The following EPHB1 variants were observed in gnomAD, a reference collection of about 807,000 sequenced individuals.
The protein encoded by EPHB1 is EPH receptor B1.
In EPHB1, 30 loss-of-function variants were observed where a neutral mutation model predicts 94.4. That is an observed-to-expected ratio of 0.32 (90% CI 0.24 to 0.43). EPHB1 has a LOEUF of 0.43. Ranked by LOEUF, EPHB1 falls within the 20% of genes least tolerant of loss-of-function variation. The pLI is 1.00. For missense variants in EPHB1, 1,055 were observed against 1,308.3 expected (o/e 0.81, Z 2.99); for synonymous variants, 522 against 489.1 (o/e 1.07, Z -0.89).
chr3:134,835,492 C>A (rs1019712914), intron 1 of EPHB1, among the ~76,000 whole-genome samples: 1 of 152,192 alleles, frequency 6.6e-6, no homozygotes, highest in Non-Finnish European at 1.5e-5. Context: ...CCTTTACTTG[C>A]ATTGTTTTGA....
In EPHB1 at chr3:135,126,457, C is replaced by A. The variant is rs1176254927; in HGVS notation, c.962-6257C>A. Among the ~76,000 whole-genome samples, 5 of 152,126 alleles carry A rather than the reference C, an allele frequency of 3.3e-5. No homozygotes were observed. In the East Asian group the frequency reaches 7.7e-4, roughly 24 times the overall value. On this transcript the variant is annotated intron_variant, in intron 4 of 15. Coordinates refer to ENST00000398015, the MANE Select transcript of EPHB1 (RefSeq NM_004441.5). ...GGGGAGGACAATGAATACCAGATAC[C>A]AAGTCAAAGTCAGGCTACCTCTAGG...
chr3:135,186,325 T>C (rs924424267), intron 10 of EPHB1, among the ~76,000 whole-genome samples: 1 of 152,138 alleles, frequency 6.6e-6, no homozygotes, highest in Non-Finnish European at 1.5e-5. Context: ...GTGAAGATGG[T>C]TGTGATCAAC....
Position 134,925,817 on chromosome 3 carries a change from A to C in EPHB1, c.60A>C (p.Glu20Asp). Residue 20 changes from glutamate to aspartate, a missense_variant and splice_region_variant, in exon 2 of 16, where the codon GAA becomes GAC. Glu to Asp is a conservative substitution (Grantham distance 45). Coordinates refer to ENST00000398015, the MANE Select transcript of EPHB1 (RefSeq NM_004441.5). ...TCGTTTTTTCTTTTTAATCTACAGA[A>C]ACGTTAATGGACACCAGAACGGCTA... ...LLASAVAAME[E>D]TLMDTRTATA... 6.3e-7 allele frequency: 1 copy of C among 1,594,358 alleles called. No individual in the cohort carries two copies. The highest frequency in any genetic ancestry group is 8.5e-7 in the Non-Finnish European group (1 of 1,169,776).
At chr3:135,148,004 G>A (rs73862032) in intron 5 of EPHB1, among the ~76,000 whole-genome samples, 6,406 of 152,210 alleles carry the variant, frequency 0.042, 440 homozygotes, top group African/African-American at 0.14. Flanking sequence ...GTGTATGTAC[G>A]TTAATTTTAA....
intron 1 of EPHB1, among the ~76,000 whole-genome samples, chr3:134,814,112 T>A (rs1333794216): frequency 3.9e-5 from 6 of 152,154 alleles, no homozygotes; most frequent in East Asian, 1.9e-4. Context: ...GAGAGGCTGA[T>A]GCGCATGCCA....
intron 3 of EPHB1, among the ~76,000 whole-genome samples, chr3:135,053,199 C>G (rs1451543901): frequency 6.7e-6 from 1 of 150,010 alleles, no homozygotes; most frequent in Non-Finnish European, 1.5e-5. Flanking sequence ...AAAAAAAAGT[C>G]TCAACACGTA....
At chr3:135,009,286 C>T (rs1247844217) in intron 3 of EPHB1, among the ~76,000 whole-genome samples, 1 of 152,102 alleles carries the variant, frequency 6.6e-6, no homozygotes, top group Non-Finnish European at 1.5e-5. Flanking sequence ...AGGGCCTGGG[C>T]TTTAATATTT....
intron 3 of EPHB1, among the ~76,000 whole-genome samples, chr3:135,033,896 A>G (rs1405311600): frequency 1.3e-5 from 2 of 152,196 alleles, no homozygotes; most frequent in Non-Finnish European, 2.9e-5. Context: ...TTGTTGCCGT[A>G]AGGGACCCCA....
At chr3:135,033,625 C>T (rs1157717607) in intron 3 of EPHB1, among the ~76,000 whole-genome samples, 1 of 152,178 alleles carries the variant, frequency 6.6e-6, no homozygotes, top group Non-Finnish European at 1.5e-5. Context: ...GTAAATTCTT[C>T]TTCGTAATGG....
At chr3:135,049,275 AAAC>A (rs1250394793) in intron 3 of EPHB1, among the ~76,000 whole-genome samples, 3 of 152,260 alleles carry the variant, frequency 2.0e-5, no homozygotes, top group African/African-American at 7.2e-5. Flanking sequence ...CATTGGCTAA[AAAC>A]AACGTTAATC....
At chr3:134,874,365 G>A (rs574843198) in intron 1 of EPHB1, among the ~76,000 whole-genome samples, 1 of 152,080 alleles carries the variant, frequency 6.6e-6, no homozygotes, top group Admixed American at 6.6e-5. Flanking sequence ...GGGCCTATTG[G>A]GGGGTGGAGG....
chr3:134,853,427 C>T (rs779138514), intron 1 of EPHB1, among the ~76,000 whole-genome samples: 1 of 152,202 alleles, frequency 6.6e-6, no homozygotes, highest in Non-Finnish European at 1.5e-5. Context: ...ATAAAACACA[C>T]AGATTTTAGT....
At chr3:134,845,546 A>G (rs1248714792) in intron 1 of EPHB1, among the ~76,000 whole-genome samples, 1 of 152,168 alleles carries the variant, frequency 6.6e-6, no homozygotes, top group Non-Finnish European at 1.5e-5. Flanking sequence ...GACATTTGGC[A>G]GAGGGATCTG....
chr3:134,995,408 G>T (rs2107739954), intron 3 of EPHB1, among the ~76,000 whole-genome samples: 1 of 152,278 alleles, frequency 6.6e-6, no homozygotes, highest in African/African-American at 2.4e-5. Context: ...AGAGACATTT[G>T]TGTTGTTTCC....
chr3:135,045,798 T>C (rs1488238854), intron 3 of EPHB1, among the ~76,000 whole-genome samples: 3 of 152,216 alleles, frequency 2.0e-5, no homozygotes, highest in Non-Finnish European at 2.9e-5. Context: ...AAAAGTTCCA[T>C]TGGAAGTTCA....
chr3:134,893,826 G>A (rs2038035154), intron 1 of EPHB1, among the ~76,000 whole-genome samples: 1 of 152,216 alleles, frequency 6.6e-6, no homozygotes, highest in African/African-American at 2.4e-5. Flanking sequence ...CGTAAACTGT[G>A]TGGGAGTTGG....
chr3:134,980,137 A>G (rs1452215173), intron 3 of EPHB1, among the ~76,000 whole-genome samples: 2 of 152,216 alleles, frequency 1.3e-5, no homozygotes, highest in African/African-American at 4.8e-5. Context: ...GGGAGATGGA[A>G]TCATCCAGAG....
At chr3:135,069,629 A>G (rs1937638306) in intron 3 of EPHB1, among the ~76,000 whole-genome samples, 1 of 152,152 alleles carries the variant, frequency 6.6e-6, no homozygotes, top group Non-Finnish European at 1.5e-5. Flanking sequence ...GCTCACCTAT[A>G]CATATCCTTC....
chr3:134,856,998 A>G (rs1056385478), intron 1 of EPHB1, among the ~76,000 whole-genome samples: 1 of 152,234 alleles, frequency 6.6e-6, no homozygotes, highest in African/African-American at 2.4e-5. Context: ...TAAAGAAGGA[A>G]TGTATCCTTC....
Sources: allele counts gnomAD v4.1 joint callset (sites outside exome capture counted in the v4.1 genomes callset), GRCh38; gene constraint gnomAD v4.1.1; transcripts MANE v1.5; gene names NCBI Gene and HGNC (gene_info 2026-07-23, HGNC 2026-07-21).